Variants in FREM2 observed in about 807,000 individuals in gnomAD.
The protein encoded by FREM2 is FRAS1-related extracellular matrix protein 2.
Under a neutral mutation model 219.9 loss-of-function variants are expected in FREM2, and 119 were observed. The ratio of observed to expected loss-of-function variants is 0.54; its 90% CI spans 0.47 to 0.63. The LOEUF is 0.63. FREM2 is among the 30% of genes least tolerant of loss of function. The pLI, the probability that FREM2 is intolerant of heterozygous loss-of-function variation, is 0.00. For synonymous variants in FREM2, 1,562 were observed against 1,522.8 expected (o/e 1.03, Z -0.60); for missense variants, 4,030 against 3,993.6 (o/e 1.01, Z -0.25).
chr13:38,862,121 AT>A (rs1221177936), intron 15 of FREM2, among the ~76,000 whole-genome samples: 3 of 152,246 alleles, frequency 2.0e-5, no homozygotes, highest in Admixed American at 2.0e-4. Context: ...TGCGGAAGGC[AT>A]TTTCAAGTTA....
In FREM2 at chr13:38,823,146, C is replaced by T. The variant is rs149113470; in HGVS notation, c.6020-23427C>T. Among the ~76,000 whole-genome samples the T allele has an allele frequency of 9.3e-4, 141 of 151,990 alleles. 1 individual carries two copies. The highest frequency in any genetic ancestry group is 3.4e-3 in the Middle Eastern group (1 of 294). ...AGTACTGGATTCCTTCCTCTCAGTC[C>T]TCACCCCAACTCCTTGATTCTACCT... On this transcript the variant is annotated intron_variant, in intron 6 of 23. Coordinates refer to ENST00000280481, the MANE Select transcript of FREM2 (RefSeq NM_207361.6).
In FREM2 at chr13:38,878,292, C is replaced by T. The variant is rs1878418597; in HGVS notation, c.8830C>T (p.Pro2944Ser). 6.2e-7 allele frequency: 1 copy of T among 1,613,178 alleles called. No individual in the cohort carries two copies. Among genetic ancestry groups the T allele is most frequent in the Admixed American group, 1.7e-5 (1 of 59,850 alleles). ...AGAATATGGCTGCTTAGCCGACTCT[C>T]CTTCACTCTTATATAGATTTAAAAT... Reference protein sequence around the residue: ...NAEYGCLADSPSLLYRFKIVD... With the variant: ...NAEYGCLADSSSLLYRFKIVD... Residue 2944 changes from proline to serine, a missense_variant, in exon 22 of 24, where the codon CCT becomes TCT. Pro to Ser is a moderately conservative substitution (Grantham distance 74, BLOSUM62 -1). Coordinates refer to ENST00000280481, the MANE Select transcript of FREM2 (RefSeq NM_207361.6).
intron 6 of FREM2, among the ~76,000 whole-genome samples, chr13:38,791,372 C>A (rs1874554500): frequency 6.6e-6 from 1 of 152,096 alleles, no homozygotes; most frequent in African/African-American, 2.4e-5. Flanking sequence ...CCCTTTCTTA[C>A]CTTGGCCACC....
Position 38,764,429 on chromosome 13 carries a change from T to A in FREM2, c.5389T>A (p.Leu1797Met). The change falls in exon 3 of 24, where the codon TTG becomes ATG. Residue 1797 changes from leucine (L) to methionine (M), a missense_variant. Coordinates refer to ENST00000280481, the MANE Select transcript of FREM2 (RefSeq NM_207361.6). ...TGTTGTTCTTAAACGTAGAGGTTAC[T>A]TGGGAGAAACTTCTTTTATAAGTAA... ...LDVVLKRRGYLGETSFISIGT... is the reference protein window; with the variant it reads ...LDVVLKRRGYMGETSFISIGT... 1 of 1,572,772 alleles carries A rather than the reference T, an allele frequency of 6.4e-7. No homozygotes were observed. Among genetic ancestry groups the A allele is most frequent in the Non-Finnish European group, 8.7e-7 (1 of 1,150,904 alleles).
In FREM2 at chr13:38,885,355, GTATCTTTCTTCCC is replaced by G. The variant is rs1878691713; in HGVS notation, c.*4577_*4589del. The G allele has an allele frequency of 6.6e-6, 1 of 152,060 alleles. No individual in the cohort carries two copies. Among genetic ancestry groups the G allele is most frequent in the African/African-American group, 2.4e-5 (1 of 41,414 alleles). The allele number at this position is 152,060 out of a possible 1,614,324, so 9.4% of individuals were successfully genotyped here. ...GCAGTAATAGCTCCTTAGACACTCA[GTATCTTTCTTCCC>G]TATCTTTCAAGCACATTTAATTTCT... On this transcript the variant is annotated 3_prime_UTR_variant, in exon 24 of 24. Coordinates refer to ENST00000280481, the MANE Select transcript of FREM2 (RefSeq NM_207361.6).
chr13:38,713,783 G>A (rs186463739), intron 2 of FREM2, among the ~76,000 whole-genome samples: 63 of 152,262 alleles, frequency 4.1e-4, no homozygotes, highest in Admixed American at 1.1e-3. Context: ...TCATCCCAAA[G>A]TAAGCTCTAT....
chr13:38,837,023 A>T (rs1876738351), intron 6 of FREM2, among the ~76,000 whole-genome samples: 3 of 151,924 alleles, frequency 2.0e-5, no homozygotes, highest in Admixed American at 2.0e-4. Context: ...AGTTCTTTTA[A>T]TTGTGATGTT....
intron 4 of FREM2, among the ~76,000 whole-genome samples, chr13:38,778,999 TATG>T (rs959068786): frequency 5.7e-4 from 87 of 152,352 alleles, no homozygotes; most frequent in African/African-American, 2.0e-3. Flanking sequence ...ACTCAAGTCT[TATG>T]ATAATTTCTA....
chr13:38,813,061 C>T (rs2137865713), intron 6 of FREM2, among the ~76,000 whole-genome samples: 1 of 152,120 alleles, frequency 6.6e-6, no homozygotes, highest in Admixed American at 6.6e-5. Context: ...ATGGATTCAT[C>T]CTGTAGTCTT....
intron 2 of FREM2, among the ~76,000 whole-genome samples, chr13:38,750,451 C>T (rs1872699132): frequency 1.8e-5 from 1 of 57,062 alleles, no homozygotes; most frequent in Non-Finnish European, 3.3e-5. Flanking sequence ...CTGCAAATGG[C>T]AAGAGTTCAT....
intron 8 of FREM2, 86 bp from the exon 9 acceptor site, chr13:38,849,952 C>T (rs1336040903): frequency 2.8e-6 from 3 of 1,081,352 alleles, no homozygotes; most frequent in Non-Finnish European, 4.2e-6. Context: ...ACTTACTTTC[C>T]ATTATTCTTT....
intron 4 of FREM2, among the ~76,000 whole-genome samples, chr13:38,780,036 T>C (rs1874053961): frequency 6.6e-6 from 1 of 152,200 alleles, no homozygotes; most frequent in South Asian, 2.1e-4. Context: ...AATCCTCCCC[T>C]GTGTGATTTT....
intron 6 of FREM2, among the ~76,000 whole-genome samples, chr13:38,788,128 A>G (rs1874406493): frequency 6.6e-6 from 1 of 152,136 alleles, no homozygotes; most frequent in South Asian, 2.1e-4. Flanking sequence ...CTTTCTTTAC[A>G]GTTACTTGAA....
At chr13:38,857,238 T>A (rs945841432) in intron 12 of FREM2, among the ~76,000 whole-genome samples, 1 of 152,182 alleles carries the variant, frequency 6.6e-6, no homozygotes, top group African/African-American at 2.4e-5. Flanking sequence ...CAGGAAACTA[T>A]GCTATGTAGT....
intron 6 of FREM2, among the ~76,000 whole-genome samples, chr13:38,831,082 CTG>C (rs538542054): frequency 1.1e-3 from 175 of 152,260 alleles, no homozygotes; most frequent in African/African-American, 4.1e-3. Flanking sequence ...GTTTAGGAAA[CTG>C]TAAATTGCAC....
At chr13:38,819,834 G>A (rs565795679) in intron 6 of FREM2, among the ~76,000 whole-genome samples, 109 of 152,176 alleles carry the variant, frequency 7.2e-4, no homozygotes, top group African/African-American at 2.5e-3. Flanking sequence ...CATTTAGCCA[G>A]CCTGACTAAA....
intron 6 of FREM2, among the ~76,000 whole-genome samples, chr13:38,826,624 T>G (rs573646109): frequency 6.6e-6 from 1 of 152,244 alleles, no homozygotes; most frequent in East Asian, 1.9e-4. Flanking sequence ...TGTTTGAGTG[T>G]CAATCACATG....
chr13:38,809,875 T>C (rs1440696324), intron 6 of FREM2, among the ~76,000 whole-genome samples: 1 of 152,112 alleles, frequency 6.6e-6, no homozygotes, highest in Non-Finnish European at 1.5e-5. Context: ...AGAATGTTAT[T>C]GGTATTTTTA....
At chr13:38,781,425 A>G (rs1428909744) in intron 4 of FREM2, among the ~76,000 whole-genome samples, 2 of 151,664 alleles carry the variant, frequency 1.3e-5, no homozygotes, top group East Asian at 3.9e-4. Flanking sequence ...CCCTCAGCAT[A>G]TTTTATTTTA....
Sources: allele counts gnomAD v4.1 joint callset (sites outside exome capture counted in the v4.1 genomes callset), GRCh38; gene constraint gnomAD v4.1.1; transcripts MANE v1.5; gene names NCBI Gene and HGNC (gene_info 2026-07-23, HGNC 2026-07-21).